COL13A1: variants seen among roughly 807,000 people sequenced by gnomAD.
COL13A1 encodes collagen alpha-1(XIII) chain.
COL13A1 carries 89 observed loss-of-function variants against 130.9 expected under a neutral mutation model. The ratio of observed to expected loss-of-function variants is 0.68; its 90% CI spans 0.57 to 0.81. The LOEUF (loss-of-function observed/expected upper bound fraction) is 0.81. COL13A1 is among the 30% of genes least tolerant of loss of function. The probability of loss-of-function intolerance (pLI) is 0.00; values close to 1 mark genes in which losing one functional copy is unlikely to be tolerated. For missense variants in COL13A1, 879 were observed against 934.6 expected, an observed-to-expected ratio of 0.94 and a Z score of 0.78; for synonymous variants, 402 against 341.6, an observed-to-expected ratio of 1.18 and a Z score of -1.95.
At position 69,922,746 on chromosome 10, in the gene COL13A1, C is replaced by G. The variant is rs2064846121; in HGVS notation, c.1182C>G (p.Gly394=). Residue 394 remains glycine (G), a synonymous_variant, in exon 23 of 41, where the codon GGC becomes GGG. Coordinates refer to ENST00000645393, the MANE Select transcript of COL13A1 (RefSeq NM_001368882.1). ...KGDAGNSIGG[G]RGEPGPPGLP... is the part of the protein sequence containing the mutation. ...ATGCTGGCAACTCCATTGGAGGAGG[C>G]AGAGGGGAACCTGGCCCTCCAGGGC... The G allele has an allele frequency of 6.2e-7, 1 of 1,606,328 alleles. No homozygotes were observed. The highest frequency in any genetic ancestry group is 8.5e-7 in the Non-Finnish European group (1 of 1,176,870).
chr10:69,924,572 T>A (rs138340099), intron 24 of COL13A1, among the ~76,000 whole-genome samples: 1 of 151,946 alleles, frequency 6.6e-6, no homozygotes, highest in Non-Finnish European at 1.5e-5. Flanking sequence ...CGATGGCAAC[T>A]GACACCCAGA....
chr10:69,802,432 G>A lies in COL13A1; in HGVS notation c.9G>A (p.Ala3=), dbSNP rs770241987. 2 of 1,497,410 alleles carry A rather than the reference G, an allele frequency of 1.3e-6. No homozygotes were observed. The highest frequency in any genetic ancestry group is 1.3e-5 in the South Asian group (1 of 76,912). 92.8% of individuals were successfully genotyped at this position (1,497,410 alleles called of 1,614,324 possible). Reference sequence around the variant, plus strand: ...TCTCAAGACGCGAGAGGATGGTAGCGGAGCGCACCCACAAAGCGGCAGCCA... The same window carrying A: ...TCTCAAGACGCGAGAGGATGGTAGCAGAGCGCACCCACAAAGCGGCAGCCA... MV[A]ERTHKAAATG... The change falls in exon 1 of 41, where the codon GCG becomes GCA. Residue 3 remains alanine, a synonymous_variant. Coordinates refer to ENST00000645393, the MANE Select transcript of COL13A1 (RefSeq NM_001368882.1).
chr10:69,878,209 C>A, intron 6 of COL13A1, 144 bp downstream of exon 6: 1 of 631,322 alleles, frequency 1.6e-6, no homozygotes, highest in South Asian at 1.7e-5. Flanking sequence ...CCTCTCACGG[C>A]CCCGTTTCCT....
chr10:69,895,923 C>A (rs529167719), intron 13 of COL13A1, among the ~76,000 whole-genome samples: 4 of 152,082 alleles, frequency 2.6e-5, no homozygotes, highest in Non-Finnish European at 5.9e-5. Flanking sequence ...CCTGTGGCAG[C>A]GTGACTTGTG....
Position 69,888,318 on chromosome 10 carries a change from G to A in COL13A1, c.564G>A (p.Leu188=), listed in dbSNP as rs757221542. ...GFPGFPGPIG[L]DGKPGHPGPK... ...TCTGGTTTCAGGGTCCCATTGGGCT[G>A]GACGGCAAACCGGTAAGTGGACCCG... The change falls in exon 9 of 41, where the codon CTG becomes CTA. Residue 188 remains leucine, a synonymous_variant. Coordinates refer to ENST00000645393, the MANE Select transcript of COL13A1 (RefSeq NM_001368882.1). The A allele has an allele frequency of 1.9e-6, 3 of 1,612,934 alleles. No homozygotes were observed. Among genetic ancestry groups the A allele is most frequent in the Non-Finnish European group, 2.5e-6 (3 of 1,179,514 alleles).
At chr10:69,912,756 C>T (rs1055798428) in intron 17 of COL13A1, among the ~76,000 whole-genome samples, 7 of 152,180 alleles carry the variant, frequency 4.6e-5, no homozygotes, top group Non-Finnish European at 5.9e-5. Context: ...GGGAGCTGAC[C>T]GTAAAGCCCC....
At chr10:69,932,800 C>A (rs7094009) in intron 31 of COL13A1, among the ~76,000 whole-genome samples, 196 bp downstream of exon 31, 1 of 151,878 alleles carries the variant, frequency 6.6e-6, no homozygotes, top group African/African-American at 2.4e-5. Flanking sequence ...CACAGAGCAC[C>A]TCCCATGCTT....
intron 10 of COL13A1, 28 bp from the exon 11 acceptor site, chr10:69,894,524 C>T: frequency 6.2e-7 from 1 of 1,613,434 alleles, no homozygotes; most frequent in Non-Finnish European, 8.5e-7. Context: ...TGTCTGCCCA[C>T]TGACCTGTGT....
At chr10:69,879,935 C>T (rs867661936) in intron 6 of COL13A1, among the ~76,000 whole-genome samples, 3 of 152,156 alleles carry the variant, frequency 2.0e-5, no homozygotes, top group Non-Finnish European at 4.4e-5. Context: ...TCACACAGCA[C>T]GCATGTTGCT....
intron 38 of COL13A1, among the ~76,000 whole-genome samples, chr10:69,949,154 A>G (rs185025804): frequency 7.2e-4 from 110 of 152,194 alleles, no homozygotes; most frequent in African/African-American, 2.6e-3. Context: ...GTCCTGGAAG[A>G]GTCTCCCCTC....
chr10:69,822,485 G>A, intron 2 of COL13A1, 47 bp downstream of exon 2: 1 of 1,419,942 alleles, frequency 7.0e-7, no homozygotes, highest in Non-Finnish European at 9.4e-7. Context: ...CTAAGACTGA[G>A]ACCAGAGGCT....
intron 3 of COL13A1, among the ~76,000 whole-genome samples, chr10:69,870,523 A>G (rs4746008): frequency 0.22 from 33,015 of 147,428 alleles, 3,744 homozygotes; most frequent in Middle Eastern, 0.29. Flanking sequence ...GTTTTGCTAT[A>G]TTGCCCAGGC....
intron 2 of COL13A1, among the ~76,000 whole-genome samples, chr10:69,824,659 G>A (rs1847046094): frequency 6.6e-6 from 1 of 152,192 alleles, no homozygotes; most frequent in African/African-American, 2.4e-5. Context: ...GAGAAGAAAG[G>A]GCTTGACCTT....
chr10:69,952,295 ACACT>A (rs1258191352), intron 38 of COL13A1, among the ~76,000 whole-genome samples: 1 of 152,212 alleles, frequency 6.6e-6, no homozygotes, highest in Non-Finnish European at 1.5e-5. Flanking sequence ...ATACCCACAC[ACACT>A]CAAACGTGGG....
chr10:69,895,459 G>A, intron 12 of COL13A1, 91 bp from the exon 13 acceptor site: 2 of 1,366,082 alleles, frequency 1.5e-6, no homozygotes, highest in Non-Finnish European at 2.1e-6. Context: ...GGTGACATGT[G>A]TGGCATGTCC....
chr10:69,841,532 A>G (rs1037763159), intron 2 of COL13A1, among the ~76,000 whole-genome samples: 3 of 152,172 alleles, frequency 2.0e-5, no homozygotes, highest in African/African-American at 7.2e-5. Flanking sequence ...TTCAACACAT[A>G]TTACTGAGCA....
At chr10:69,869,203 G>C (rs1041152051) in intron 3 of COL13A1, among the ~76,000 whole-genome samples, 2 of 152,246 alleles carry the variant, frequency 1.3e-5, no homozygotes, top group African/African-American at 4.8e-5. Context: ...TTGGGTCTGT[G>C]CTGAAGGAGC....
chr10:69,829,616 A>G (rs1190925560), intron 2 of COL13A1, among the ~76,000 whole-genome samples: 1 of 152,218 alleles, frequency 6.6e-6, no homozygotes. Context: ...ATTTCAGGCA[A>G]CTGGCCTGCT....
chr10:69,807,615 G>A (rs1428493646), intron 1 of COL13A1, among the ~76,000 whole-genome samples: 16 of 152,182 alleles, frequency 1.1e-4, no homozygotes. Context: ...GGATGAGGAT[G>A]GGAAGAGACT....
Sources: gnomAD v4.1 joint callset for allele counts (sites outside exome capture counted in the v4.1 genomes callset) on GRCh38, gnomAD v4.1.1 for gene constraint, MANE v1.5 for transcripts, NCBI Gene and HGNC (gene_info 2026-07-23, HGNC 2026-07-21) for gene names.